The following TINAG variants were observed in gnomAD, a reference collection of about 807,000 sequenced individuals.
TINAG encodes the protein tubulointerstitial nephritis antigen.
TINAG carries 83 observed loss-of-function variants against 72.7 expected under a neutral mutation model. The ratio of observed to expected loss-of-function variants is 1.14; its 90% confidence interval spans 0.96 to 1.37. The LOEUF (loss-of-function observed/expected upper bound fraction) is 1.37, where lower values mean the gene tolerates loss of function less well. Among genes scored for constraint, TINAG ranks in the 40% most tolerant of loss-of-function variants. TINAG has a pLI of 0.00. For missense variants in TINAG, 685 were observed against 576.6 expected, an observed-to-expected ratio of 1.19 and a Z score of -1.93; for synonymous variants, 234 against 189.9, an observed-to-expected ratio of 1.23 and a Z score of -1.91.
At chr6:54,377,072 CAATTT>C (rs1022445987) in intron 9 of TINAG, among the ~76,000 whole-genome samples, 3 of 151,900 alleles carry the variant, frequency 2.0e-5, no homozygotes, top group Admixed American at 6.6e-5. Context: ...ATAATTGAAA[CAATTT>C]AATTTAATGA....
rs367663665 is a variant in TINAG, at chr6:54,369,031, G to A, written c.1251-11495G>A. 7.9e-5 allele frequency among the ~76,000 whole-genome samples: 12 copies of A among 151,752 alleles called. No homozygotes were observed. The East Asian group carries it at 2.3e-3, about 30-fold the overall frequency. On this transcript the variant is annotated intron_variant, in intron 9 of 10. Coordinates refer to ENST00000259782, the MANE Select transcript of TINAG (RefSeq NM_014464.4). ...GTTTTCTGATCATAAAAGTAATAAC[G>A]TAGATATTTGACAGTTTTGAATCGA...
intron 3 of TINAG, among the ~76,000 whole-genome samples, chr6:54,326,564 C>T (rs1308625517): frequency 3.3e-5 from 5 of 151,880 alleles, no homozygotes; most frequent in Non-Finnish European, 7.4e-5. Context: ...TTATGTTCTT[C>T]GTAAGAATCA....
At chr6:54,384,835 T>C (rs1016939818) in intron 10 of TINAG, among the ~76,000 whole-genome samples, 2 of 152,206 alleles carry the variant, frequency 1.3e-5, no homozygotes, top group African/African-American at 4.8e-5. Flanking sequence ...TAGCCAGCTT[T>C]ATGTCATTGA....
intron 9 of TINAG, chr6:54,365,262 G>C (rs1037357978): frequency 6.6e-6 from 1 of 151,552 alleles, no homozygotes; most frequent in Non-Finnish European, 1.5e-5. Context: ...ATTGCAAAAG[G>C]CTTCTCTCCT....
intron 9 of TINAG, among the ~76,000 whole-genome samples, chr6:54,372,212 GA>G (rs1455105724): frequency 1.3e-5 from 2 of 151,664 alleles, no homozygotes; most frequent in Non-Finnish European, 2.9e-5. Flanking sequence ...GGCTGATCTC[GA>G]ACTCCTGACC....
At chr6:54,335,817 T>A (rs1341357973) in intron 4 of TINAG, among the ~76,000 whole-genome samples, 4 of 152,072 alleles carry the variant, frequency 2.6e-5, no homozygotes, top group Non-Finnish European at 4.4e-5. Context: ...CCCCAACTTT[T>A]AAAAAATCAT....
intron 1 of TINAG, among the ~76,000 whole-genome samples, chr6:54,310,107 G>A (rs1407635570): frequency 1.3e-5 from 2 of 149,234 alleles, no homozygotes; most frequent in Non-Finnish European, 3.0e-5. Context: ...GTGTGTGTGT[G>A]AGTCTTGCTC....
chr6:54,343,949 T>C (rs1030848067), intron 5 of TINAG, among the ~76,000 whole-genome samples: 6 of 152,212 alleles, frequency 3.9e-5, no homozygotes, highest in African/African-American at 1.4e-4. Context: ...ATGACTCTTT[T>C]ATAGTTACTT....
chr6:54,332,294 A>T (rs1427409107), intron 4 of TINAG, among the ~76,000 whole-genome samples: 2 of 152,182 alleles, frequency 1.3e-5, no homozygotes. Context: ...AACAGAACAG[A>T]GGCCTCCGAA....
Position 54,377,883 on chromosome 6 carries a change from T to C in TINAG, c.1251-2643T>C, listed in dbSNP as rs147409317. ...AATGAGTAGCCTTCTGGTTTTGCAC[T>C]AGTTAACCTTTATTTTAGTTTAAAT... is the stretch of plus-strand genomic sequence containing the variant. On this transcript the variant is annotated intron_variant, in intron 9 of 10. Coordinates refer to ENST00000259782, the MANE Select transcript of TINAG (RefSeq NM_014464.4). 5.2e-3 allele frequency among the ~76,000 whole-genome samples: 796 copies of C among 152,278 alleles called. 11 individuals are homozygous for C. Among genetic ancestry groups the C allele is most frequent in the African/African-American group, 0.018 (765 of 41,572 alleles).
intron 9 of TINAG, among the ~76,000 whole-genome samples, chr6:54,359,743 A>G (rs909936299): frequency 6.6e-6 from 1 of 151,884 alleles, no homozygotes; most frequent in Admixed American, 6.6e-5. Flanking sequence ...TTTTACAAAA[A>G]TCTTAAGTCA....
intron 6 of TINAG, among the ~76,000 whole-genome samples, chr6:54,347,729 A>G (rs1785160599): frequency 6.6e-6 from 1 of 152,112 alleles, no homozygotes; most frequent in Admixed American, 6.6e-5. Flanking sequence ...AAGAACGTAT[A>G]CATTTCTAGC....
chr6:54,366,201 CT>C (rs1763411281), intron 9 of TINAG, among the ~76,000 whole-genome samples: 1 of 151,196 alleles, frequency 6.6e-6, no homozygotes, highest in Non-Finnish European at 1.5e-5. Context: ...GGTTATCTGA[CT>C]TCAAAATTAA....
intron 1 of TINAG, among the ~76,000 whole-genome samples, chr6:54,319,486 C>A (rs1784442136): frequency 6.6e-6 from 1 of 151,980 alleles, no homozygotes; most frequent in South Asian, 2.1e-4. Context: ...TACCAAAATT[C>A]CATATGAAAG....
Position 54,347,486 on chromosome 6 carries a change from G to A in TINAG, c.868G>A (p.Asp290Asn), listed in dbSNP as rs773073432. 6.2e-6 allele frequency: 10 copies of A among 1,612,948 alleles called. No individual in the cohort carries two copies. The highest frequency in any genetic ancestry group is 1.6e-4 in the Middle Eastern group (1 of 6,074). The change falls in exon 6 of 11, where the codon GAT (aspartate) becomes AAT (asparagine). Residue 290 changes from aspartate (D) to asparagine (N), a missense_variant. Physicochemically the swap from Asp to Asn is conservative, Grantham distance 23 (BLOSUM62 1). Coordinates refer to ENST00000259782, the MANE Select transcript of TINAG (RefSeq NM_014464.4). ...TCATGGATGCAATAGTGGAAGCATC[G>A]ATAGGGCTTGGTGGTACCTGAGAAA... is the stretch of plus-strand genomic sequence containing the variant. ...NRHGCNSGSIDRAWWYLRKRG... is the reference protein window; with the variant it reads ...NRHGCNSGSINRAWWYLRKRG...
At chr6:54,317,245 T>C (rs938843546) in intron 1 of TINAG, among the ~76,000 whole-genome samples, 18 of 122,958 alleles carry the variant, frequency 1.5e-4, no homozygotes, top group African/African-American at 5.4e-4. Flanking sequence ...TTTCTTGCTC[T>C]CTCTTTCTTC....
intron 4 of TINAG, chr6:54,327,271 T>C: frequency 1.5e-6 from 2 of 1,305,660 alleles, no homozygotes; most frequent in Non-Finnish European, 2.0e-6. Flanking sequence ...TCATTGGGAC[T>C]GGTTAGACAG....
At chr6:54,324,987 C>T (rs1023930858) in intron 3 of TINAG, among the ~76,000 whole-genome samples, 1 of 152,148 alleles carries the variant, frequency 6.6e-6, no homozygotes, top group Admixed American at 6.6e-5. Flanking sequence ...TGTCCCTATC[C>T]TCTCTCCTAG....
rs569909238 is a variant in TINAG, at chr6:54,350,787, G to A, written c.1081-565G>A. ...ACACTTTGCGCTTGTCTCTACAATG[G>A]ATCTTATTAAATAATAATGAAATTA... On this transcript the variant is annotated intron_variant, in intron 7 of 10. Transcript: ENST00000259782. 4.6e-5 allele frequency among the ~76,000 whole-genome samples: 7 copies of A among 151,230 alleles called. No homozygotes were observed. In the South Asian group the frequency reaches 1.5e-3, roughly 32 times the overall value.
Sources: gnomAD v4.1 joint callset for allele counts (sites outside exome capture counted in the v4.1 genomes callset) on GRCh38, gnomAD v4.1.1 for gene constraint, MANE v1.5 for transcripts, NCBI Gene and HGNC (gene_info 2026-07-23, HGNC 2026-07-21) for gene names.